Variants in KALRN observed in about 807,000 individuals in gnomAD.
KALRN encodes kalirin RhoGEF kinase, also known as kalirin.
KALRN carries 70 observed loss-of-function variants against 353.7 expected under a neutral mutation model. The ratio of observed to expected loss-of-function variants is 0.20; its 90% CI spans 0.16 to 0.24. The LOEUF is 0.24. KALRN is among the 10% of genes least tolerant of loss of function. The pLI is 1.00. For synonymous variants in KALRN, 1,391 were observed against 1,434.8 expected, an observed-to-expected ratio of 0.97 and a Z score of 0.69; for missense variants, 2,791 against 3,756.7, an observed-to-expected ratio of 0.74 and a Z score of 6.72.
chr3:124,107,769 G>A (rs1396059860), intron 1 of KALRN, among the ~76,000 whole-genome samples: 1 of 152,184 alleles, frequency 6.6e-6, no homozygotes, highest in Admixed American at 6.5e-5. Flanking sequence ...TGCTGGGAGG[G>A]AGGAGGTAGA....
At chr3:124,368,203 C>T (rs1313578958) in intron 10 of KALRN, among the ~76,000 whole-genome samples, 13 of 126,148 alleles carry the variant, frequency 1.0e-4, no homozygotes, top group South Asian at 2.6e-4. Context: ...ACCCCCCACA[C>T]CTCCCTCCCG....
intron 10 of KALRN, among the ~76,000 whole-genome samples, chr3:124,381,505 C>G (rs962676856): frequency 2.6e-5 from 4 of 152,154 alleles, no homozygotes; most frequent in Non-Finnish European, 4.4e-5. Flanking sequence ...CTCTTTTCTA[C>G]TAGTAATGGG....
At position 124,719,263 on chromosome 3, in the gene KALRN, C is replaced by A; in HGVS notation, c.8754C>A (p.Ile2918=). The A allele has an allele frequency of 5.0e-6, 8 of 1,614,200 alleles. No homozygotes were observed. The highest frequency in any genetic ancestry group is 6.8e-6 in the Non-Finnish European group (8 of 1,180,042). ...SNAARDFINV[I]LQEDFRRRPT... ...CTGCCAGAGATTTCATCAATGTGAT[C>A]TTACAGGAAGATTTTCGGAGGCGGC... The change falls in exon 60 of 60, where the codon ATC becomes ATA. Residue 2918 remains isoleucine (I), a synonymous_variant. Coordinates refer to ENST00000682506, the MANE Select transcript of KALRN (RefSeq NM_001388419.1). The surrounding 1 kb of genome is among the most constrained non-coding windows in gnomAD (Gnocchi z 5.3).
At chr3:124,474,406 A>T (rs1375596846) in intron 25 of KALRN, among the ~76,000 whole-genome samples, 1 of 152,056 alleles carries the variant, frequency 6.6e-6, no homozygotes, top group Non-Finnish European at 1.5e-5. Flanking sequence ...AAAATATTTT[A>T]TTATTTACTT....
chr3:124,144,440 TC>T (rs149944742), intron 1 of KALRN, among the ~76,000 whole-genome samples: 4,354 of 152,190 alleles, frequency 0.029, 80 homozygotes, highest in Middle Eastern at 0.058. Context: ...AGCTAGCATC[TC>T]CCCTTCCAGG....
chr3:124,242,373 A>G (rs902435290), intron 3 of KALRN, among the ~76,000 whole-genome samples: 1 of 152,252 alleles, frequency 6.6e-6, no homozygotes, highest in African/African-American at 2.4e-5. Flanking sequence ...GAGATGAAGT[A>G]CTTGCCTACT....
Position 124,468,346 on chromosome 3 carries a change from G to C in KALRN, c.4031+5713G>C, listed in dbSNP as rs75542570. ...TTTTACAACCCCTTGAAACACAAGG[G>C]GGGGGTTGATCCATGGCTGCACGGC... On this transcript the variant is annotated intron_variant, in intron 25 of 59. Coordinates refer to ENST00000682506, the MANE Select transcript of KALRN (RefSeq NM_001388419.1). Among the ~76,000 whole-genome samples the C allele has an allele frequency of 5.4e-3, 829 of 152,182 alleles. 10 individuals are homozygous for C. Among genetic ancestry groups the C allele is most frequent in the African/African-American group, 0.019 (786 of 41,508 alleles).
At chr3:124,163,799 G>T in intron 1 of KALRN, 1 of 985,446 alleles carries the variant, frequency 1.0e-6, no homozygotes, top group Non-Finnish European at 1.2e-6. Flanking sequence ...TTCCCTGTAT[G>T]TCATCTTGCT....
chr3:124,281,213 A>G (rs891244557), intron 5 of KALRN, among the ~76,000 whole-genome samples: 2 of 152,162 alleles, frequency 1.3e-5, no homozygotes, highest in Non-Finnish European at 2.9e-5. Context: ...TCTCCTTAGT[A>G]AGCTTTCTCT....
chr3:124,532,265 A>G (rs1454103046), intron 33 of KALRN, among the ~76,000 whole-genome samples: 1 of 152,214 alleles, frequency 6.6e-6, no homozygotes, highest in Non-Finnish European at 1.5e-5. Flanking sequence ...ATCCTATAAG[A>G]TTGCATGACA....
intron 11 of KALRN, among the ~76,000 whole-genome samples, chr3:124,392,334 A>G (rs367726475): frequency 6.6e-6 from 1 of 152,236 alleles, no homozygotes; most frequent in Non-Finnish European, 1.5e-5. Context: ...ACTATATGTC[A>G]GACACTGTTG....
chr3:124,549,320 A>AACACAC (rs10542227), intron 33 of KALRN, among the ~76,000 whole-genome samples: 34 of 146,024 alleles, frequency 2.3e-4, no homozygotes, highest in Non-Finnish European at 3.2e-4. Flanking sequence ...CCAAGAAGCC[A>AACACAC]ACACACACAC....
intron 18 of KALRN, among the ~76,000 whole-genome samples, chr3:124,439,475 G>A (rs1195178358): frequency 6.6e-6 from 1 of 152,086 alleles, no homozygotes; most frequent in African/African-American, 2.4e-5. Context: ...AAAAAGACAT[G>A]CTTTCATTCA....
intron 34 of KALRN, among the ~76,000 whole-genome samples, chr3:124,595,458 A>G (rs1476995314): frequency 6.6e-6 from 1 of 152,202 alleles, no homozygotes; most frequent in African/African-American, 2.4e-5. Flanking sequence ...GGGCTGGTTT[A>G]TTAGTATACC....
intron 1 of KALRN, among the ~76,000 whole-genome samples, chr3:124,178,256 A>G (rs900717729): frequency 6.6e-6 from 1 of 152,224 alleles, no homozygotes; most frequent in Non-Finnish European, 1.5e-5. Flanking sequence ...ACCAAACCCT[A>G]CATATACTGT....
At position 124,311,459 on chromosome 3, in the gene KALRN, C is replaced by CAA. The variant is rs71145447; in HGVS notation, c.1092+12556_1092+12557dup. 3.1e-4 allele frequency among the ~76,000 whole-genome samples: 41 copies of CAA among 131,536 alleles called. 1 individual carries two copies. Among genetic ancestry groups the CAA allele is most frequent in the African/African-American group, 5.6e-4 (20 of 35,692 alleles). The allele number at this position is 131,536 out of a possible 152,430, so 86.3% of individuals were successfully genotyped here. Reference sequence around the variant, plus strand: ...CAGCCTGGGCAACAGAGCAAGACTCCAAAAAAAAAAAGAAAAGTAAAACTC... The same window carrying CAA: ...CAGCCTGGGCAACAGAGCAAGACTCCAAAAAAAAAAAAAGAAAAGTAAAACTC... On this transcript the variant is annotated intron_variant, in intron 6 of 59. Coordinates refer to ENST00000682506, the MANE Select transcript of KALRN (RefSeq NM_001388419.1).
At chr3:124,478,558 C>T (rs965248488) in intron 27 of KALRN, among the ~76,000 whole-genome samples, 3 of 152,228 alleles carry the variant, frequency 2.0e-5, no homozygotes, top group East Asian at 3.9e-4. Flanking sequence ...GGAAATGGCT[C>T]TATGTATCCC....
chr3:124,693,696 C>G, intron 51 of KALRN, 108 bp from the exon 52 acceptor site: 1 of 650,840 alleles, frequency 1.5e-6, no homozygotes. Flanking sequence ...GGGCTCCAGG[C>G]CTCATCTCCC....
At position 124,671,002 on chromosome 3, in the gene KALRN, C is replaced by T. The variant is rs376193385; in HGVS notation, c.6704-658C>T. ...CACATCCATTCCACATCCCACTGGT[C>T]CCGCTCTCCTAGACCTTCTACCTCT... On this transcript the variant is annotated intron_variant, in intron 47 of 59. Coordinates refer to ENST00000682506, the MANE Select transcript of KALRN (RefSeq NM_001388419.1). 2.3e-4 allele frequency among the ~76,000 whole-genome samples: 35 copies of T among 152,300 alleles called. 1 individual carries two copies. The highest frequency in any genetic ancestry group is 1.6e-3 in the Admixed American group (24 of 15,288).
Sources: gnomAD v4.1 joint callset for allele counts (sites outside exome capture counted in the v4.1 genomes callset) on GRCh38, gnomAD v4.1.1 for gene constraint, Gnocchi (gnomAD v3.1) non-coding constraint, MANE v1.5 for transcripts, NCBI Gene and HGNC (gene_info 2026-07-23, HGNC 2026-07-21) for gene names.